Variants in ACER1 observed in about 807,000 individuals in gnomAD.
ACER1 encodes the protein alkaline ceramidase 1.
In ACER1, 28 loss-of-function variants were observed where a neutral mutation model predicts 24.9. The observed-to-expected ratio is 1.13, with a 90% confidence interval of 0.83 to 1.54. ACER1 has a LOEUF of 1.54. ACER1 is among the 40% of genes most tolerant of loss of function. ACER1 has a pLI of 0.00. For missense variants in ACER1, 352 were observed against 349.3 expected (o/e 1.01, Z -0.06); for synonymous variants, 132 against 131.4 (o/e 1.00, Z -0.03).
the ACER1 span, among the ~76,000 whole-genome samples, chr19:6,342,276 TTTTA>T: frequency 6.7e-6 from 1 of 150,230 alleles, no homozygotes; most frequent in African/African-American, 2.5e-5. Context: ...TTTTTTTTTT[TTTTA>T]AGATGGAGTT....
chr19:6,309,668 C>T, intron 4 of ACER1, 29 bp downstream of exon 4: 1 of 1,613,080 alleles, frequency 6.2e-7, no homozygotes, highest in Non-Finnish European at 8.5e-7. Flanking sequence ...TGGGAGCCTC[C>T]TGCCCAGGCA....
chr19:6,335,398 T>C (rs1438898394), upstream of ACER1, among the ~76,000 whole-genome samples: 2 of 151,796 alleles, frequency 1.3e-5, no homozygotes, highest in Non-Finnish European at 2.9e-5. Flanking sequence ...CTAATTTTTG[T>C]ATTTTTAGTA....
At position 6,320,472 on chromosome 19, in the gene ACER1, C is replaced by T. The variant is rs1375780495; in HGVS notation, c.94-7973G>A. On this transcript the variant is annotated intron_variant, in intron 1 of 5. Coordinates refer to ENST00000301452, the MANE Select transcript of ACER1 (RefSeq NM_133492.3). ...GGACTACAGGTGTGTGCCACCACAC[C>T]TGGCTAATTTTTGTATTTTTAGTAG... is the stretch of plus-strand genomic sequence containing the variant. Among the ~76,000 whole-genome samples the T allele has an allele frequency of 2.6e-5, 4 of 152,126 alleles. No homozygotes were observed. In the South Asian group the frequency reaches 6.2e-4, roughly 24 times the overall value.
intron 1 of ACER1, among the ~76,000 whole-genome samples, chr19:6,330,790 G>A (rs2091683349): frequency 6.7e-6 from 1 of 149,684 alleles, no homozygotes; most frequent in African/African-American, 2.5e-5. Flanking sequence ...TGAGGACCGG[G>A]AACCATATCT....
chr19:6,340,082 C>T, the ACER1 span, among the ~76,000 whole-genome samples: 1 of 151,294 alleles, frequency 6.6e-6, no homozygotes, highest in Non-Finnish European at 1.5e-5. Flanking sequence ...CAAGACCAGC[C>T]TGGCCAACAT....
Position 6,306,601 on chromosome 19 carries a change from G to A in ACER1, c.*113C>T. Reference sequence around the variant, plus strand: ...GCAGGACAAGGAGGACACGGAAGGGGAAACAGAGGAAGGAACCACGAGTGT... The same window carrying A: ...GCAGGACAAGGAGGACACGGAAGGGAAAACAGAGGAAGGAACCACGAGTGT... On this transcript the variant is annotated 3_prime_UTR_variant, in exon 6 of 6. Transcript: ENST00000301452. 1 of 1,306,848 alleles carries A rather than the reference G, an allele frequency of 7.7e-7. No homozygotes were observed. The highest frequency in any genetic ancestry group is 1.0e-6 in the Non-Finnish European group (1 of 955,116). The allele number at this position is 1,306,848 out of a possible 1,614,324, so 81.0% of individuals were successfully genotyped here.
In ACER1 at chr19:6,307,015, T is replaced by C. The variant is rs2091555693; in HGVS notation, c.627-133A>G. On this transcript the variant is annotated intron_variant, in intron 5 of 5. Coordinates refer to ENST00000301452, the MANE Select transcript of ACER1 (RefSeq NM_133492.3). ...TGGGTCTGGCCCCGTGACTGCAGCCTTCCCCTACCGCCAGGTCCCAGTGTC... is the reference window on the plus strand; with the variant it reads ...TGGGTCTGGCCCCGTGACTGCAGCCCTCCCCTACCGCCAGGTCCCAGTGTC... 11 of 1,489,648 alleles carry C rather than the reference T, an allele frequency of 7.4e-6. No homozygotes were observed. The Admixed American group carries it at 2.3e-4, about 31-fold the overall frequency. The allele number at this position is 1,489,648 out of a possible 1,614,324, so 92.3% of individuals were successfully genotyped here.
the ACER1 span, among the ~76,000 whole-genome samples, chr19:6,358,738 A>G: frequency 6.6e-6 from 1 of 151,656 alleles, no homozygotes; most frequent in Non-Finnish European, 1.5e-5. Context: ...GTTCGAGACT[A>G]GCCTGACCAA....
chr19:6,317,719 G>T (rs11880001), intron 1 of ACER1, among the ~76,000 whole-genome samples: 5,799 of 151,946 alleles, frequency 0.038, 372 homozygotes, highest in African/African-American at 0.13. Context: ...AACTTTTTTT[G>T]TTGTTGTTTT....
intron 1 of ACER1, among the ~76,000 whole-genome samples, chr19:6,324,573 C>T (rs975421195): frequency 2.0e-5 from 3 of 148,366 alleles, no homozygotes; most frequent in African/African-American, 7.4e-5. Context: ...ACCTGACCAA[C>T]ATGGAGAAAC....
At chr19:6,337,144 C>A (rs772111386), upstream of ACER1, among the ~76,000 whole-genome samples, 5 of 150,934 alleles carry the variant, frequency 3.3e-5, no homozygotes, top group Non-Finnish European at 5.9e-5. Context: ...CCACTGCACT[C>A]CAGCCTGGGC....
chr19:6,329,770 G>C (rs1458091688), intron 1 of ACER1, among the ~76,000 whole-genome samples: 2 of 152,052 alleles, frequency 1.3e-5, no homozygotes, highest in Non-Finnish European at 2.9e-5. Flanking sequence ...CGGTGGTGCA[G>C]TAACAGGTTA....
chr19:6,355,620 T>TGG, the ACER1 span, among the ~76,000 whole-genome samples: 3 of 102,652 alleles, frequency 2.9e-5, no homozygotes, highest in African/African-American at 8.6e-5. Context: ...GGGAGGGAGG[T>TGG]GGGGGGGGTC....
At chr19:6,352,572 G>A in the ACER1 span, among the ~76,000 whole-genome samples, 1 of 152,206 alleles carries the variant, frequency 6.6e-6, no homozygotes, top group Non-Finnish European at 1.5e-5. Context: ...TTTAGGGGCG[G>A]TTTGTTACAC....
intron 1 of ACER1, among the ~76,000 whole-genome samples, chr19:6,326,369 G>A (rs1020465726): frequency 4.0e-5 from 6 of 151,828 alleles, no homozygotes; most frequent in South Asian, 2.1e-4. Context: ...CTTGTGATCC[G>A]CCGGCCTCGG....
intron 1 of ACER1, among the ~76,000 whole-genome samples, chr19:6,330,950 C>T (rs896339792): frequency 3.3e-5 from 5 of 149,642 alleles, no homozygotes; most frequent in Non-Finnish European, 7.4e-5. Flanking sequence ...GTCTCCTGGA[C>T]TCACCAAGTT....
At chr19:6,311,807 C>T (rs872664) in intron 3 of ACER1, among the ~76,000 whole-genome samples, 61,269 of 151,292 alleles carry the variant, frequency 0.4, 13,692 homozygotes, top group Non-Finnish European at 0.51. Flanking sequence ...ATGCCAGGAA[C>T]GCCAGGTGAG....
At chr19:6,344,533 T>C in the ACER1 span, among the ~76,000 whole-genome samples, 3 of 151,960 alleles carry the variant, frequency 2.0e-5, no homozygotes, top group East Asian at 1.9e-4. Flanking sequence ...TAGCTCGGAC[T>C]ACAGGCACCC....
rs532183137 is a variant in ACER1 at position 6,317,486 on chromosome 19, G to A, written c.94-4987C>T. Among the ~76,000 whole-genome samples the A allele has an allele frequency of 1.0e-3, 153 of 152,298 alleles. 2 individuals are homozygous for A. Among genetic ancestry groups the A allele is most frequent in the African/African-American group, 3.1e-3 (130 of 41,568 alleles). On this transcript the variant is annotated intron_variant, in intron 1 of 5. Transcript: ENST00000301452. The stretch of plus-strand genomic sequence containing the variant: ...CTCAGCCCGTGGCCCTAGTTCAGTT[G>A]CCTCCATTTGTGCTGATGCACACAT...
Sources: allele counts gnomAD v4.1 joint callset (sites outside exome capture counted in the v4.1 genomes callset), GRCh38; gene constraint gnomAD v4.1.1; transcripts MANE v1.5; gene names NCBI Gene and HGNC (gene_info 2026-07-23, HGNC 2026-07-21).